The following PPARG variants were observed in gnomAD, a reference collection of about 807,000 sequenced individuals.
PPARG encodes peroxisome proliferator-activated receptor gamma.
A neutral mutation model predicts 39.2 loss-of-function variants in PPARG; 17 were observed. The observed-to-expected ratio is 0.43, with a 90% CI of 0.30 to 0.65. The LOEUF (loss-of-function observed/expected upper bound fraction) is 0.65. Among genes scored for constraint, PPARG ranks in the 30% least tolerant of loss-of-function variants. PPARG has a pLI of 0.13. For missense variants in PPARG, 406 were observed against 585.9 expected (o/e 0.69, Z 3.17); for synonymous variants, 223 against 215.7 (o/e 1.03, Z -0.30).
intron 7 of PPARG, among the ~76,000 whole-genome samples, chr3:12,417,901 CCT>C (rs2051129645): frequency 2.4e-4 from 11 of 46,130 alleles, no homozygotes; most frequent in South Asian, 1.2e-3. Context: ...TTTTTTTTTT[CCT>C]TTTTTTTTTT....
intron 2 of PPARG, among the ~76,000 whole-genome samples, chr3:12,362,978 A>T (rs907315226): frequency 2.6e-5 from 4 of 152,108 alleles, no homozygotes; most frequent in Non-Finnish European, 4.4e-5. Context: ...TTTGTCTCCA[A>T]GCTGGATCAT....
chr3:12,390,384 G>A (rs377061534), intron 4 of PPARG, among the ~76,000 whole-genome samples: 15 of 152,060 alleles, frequency 9.9e-5, no homozygotes, highest in East Asian at 7.7e-4. Flanking sequence ...TATTTCAAAC[G>A]TCCATCTGCA....
intron 6 of PPARG, among the ~76,000 whole-genome samples, chr3:12,414,377 G>A (rs1376042886): frequency 6.6e-6 from 1 of 152,158 alleles, no homozygotes; most frequent in East Asian, 1.9e-4. Context: ...CGCACTTAGG[G>A]AGGCCAAAGC....
intron 7 of PPARG, among the ~76,000 whole-genome samples, chr3:12,423,112 CTG>C (rs934469761): frequency 2.0e-5 from 3 of 152,162 alleles, no homozygotes; most frequent in Non-Finnish European, 4.4e-5. Context: ...AATAATGATA[CTG>C]TTTGCAGAAC....
chr3:12,413,379 C>T (rs1559531681), intron 6 of PPARG, among the ~76,000 whole-genome samples: 1 of 152,150 alleles, frequency 6.6e-6, no homozygotes, highest in Non-Finnish European at 1.5e-5. Flanking sequence ...ATCTATGCAG[C>T]CTTCGGAAAT....
intron 7 of PPARG, among the ~76,000 whole-genome samples, chr3:12,421,519 G>T (rs2125297131): frequency 6.6e-6 from 1 of 152,258 alleles, no homozygotes; most frequent in Non-Finnish European, 1.5e-5. Flanking sequence ...TGGATGTTTT[G>T]CCCCCTTGAG....
intron 4 of PPARG, among the ~76,000 whole-genome samples, chr3:12,383,215 C>G (rs1253810290): frequency 6.6e-6 from 1 of 151,996 alleles, no homozygotes; most frequent in Non-Finnish European, 1.5e-5. Flanking sequence ...TCTTATTCAT[C>G]TCTAAGTTCT....
intron 2 of PPARG, among the ~76,000 whole-genome samples, chr3:12,329,313 A>G (rs979381793): frequency 1.3e-5 from 2 of 152,350 alleles, no homozygotes; most frequent in South Asian, 2.1e-4. Context: ...TTGTAGTTCA[A>G]CTGTTGATCA....
At chr3:12,292,794 A>G (rs1458108769) in intron 1 of PPARG, among the ~76,000 whole-genome samples, 1 of 152,118 alleles carries the variant, frequency 6.6e-6, no homozygotes, top group Non-Finnish European at 1.5e-5. Flanking sequence ...GATGGGGTGA[A>G]GAGGCTTGTG....
intron 2 of PPARG, among the ~76,000 whole-genome samples, chr3:12,369,896 T>G (rs1219703908): frequency 6.6e-6 from 1 of 152,212 alleles, no homozygotes; most frequent in Non-Finnish European, 1.5e-5. Flanking sequence ...CTGAAAGTGG[T>G]CAGACATATC....
At chr3:12,330,235 C>A (rs1215691241) in intron 2 of PPARG, among the ~76,000 whole-genome samples, 4 of 149,690 alleles carry the variant, frequency 2.7e-5, no homozygotes, top group Non-Finnish European at 5.9e-5. Context: ...AGCTGCTATA[C>A]CATTCTGCAT....
intron 6 of PPARG, chr3:12,406,398 C>T (rs1001574955): frequency 1.3e-5 from 5 of 374,918 alleles, no homozygotes; most frequent in African/African-American, 4.2e-5. Context: ...TCTCCTTTCT[C>T]GGCATCAAAA....
At position 12,379,562 on chromosome 3, in the gene PPARG, T is replaced by C; in HGVS notation, c.-8-142T>C. 4.1e-6 allele frequency: 3 copies of C among 727,102 alleles called. 1 individual carries two copies. In the South Asian group the frequency reaches 5.0e-5, roughly 12 times the overall value. The allele number at this position is 727,102 out of a possible 1,614,324, so 45.0% of individuals were successfully genotyped here. A position where few individuals can be genotyped will look rare whatever the true frequency, so the allele number is the denominator to read the frequency against. On this transcript the variant is annotated intron_variant, in intron 2 of 7. Coordinates refer to ENST00000651735, the MANE Select transcript of PPARG (RefSeq NM_138711.6). ...AACAGCCTAGACAGCACTAAGAAGG[T>C]GGTTATGTTCTTTTCTGTTGTTGTG...
intron 6 of PPARG, among the ~76,000 whole-genome samples, chr3:12,408,668 G>A (rs1193792681): frequency 6.7e-6 from 1 of 148,316 alleles, no homozygotes; most frequent in Non-Finnish European, 1.5e-5. Flanking sequence ...GGCTCAAGCC[G>A]TCCTCCCACC....
intron 2 of PPARG, among the ~76,000 whole-genome samples, chr3:12,341,563 T>C (rs1248388992): frequency 6.6e-6 from 1 of 152,174 alleles, no homozygotes; most frequent in Non-Finnish European, 1.5e-5. Context: ...ATCCCAGAAC[T>C]TTGGGAGGCC....
At chr3:12,380,072 C>A in intron 3 of PPARG, 141 bp downstream of exon 3, 2 of 857,742 alleles carry the variant, frequency 2.3e-6, no homozygotes, top group Non-Finnish European at 3.8e-6. Flanking sequence ...CCCATTTATC[C>A]ATGAAATATT....
chr3:12,412,980 A>G (rs562065628), intron 6 of PPARG, among the ~76,000 whole-genome samples: 1 of 152,320 alleles, frequency 6.6e-6, no homozygotes, highest in African/African-American at 2.4e-5. Flanking sequence ...TACGGCTCCT[A>G]TAATGGCAAT....
intron 2 of PPARG, among the ~76,000 whole-genome samples, chr3:12,321,456 G>A (rs1414451709): frequency 2.0e-5 from 3 of 152,128 alleles, no homozygotes; most frequent in African/African-American, 7.2e-5. Flanking sequence ...TGGAGGCGGA[G>A]GGAGACAGAA....
intron 2 of PPARG, 40 bp from the exon 3 acceptor site, chr3:12,379,664 C>T (rs1403184345): frequency 4.5e-6 from 7 of 1,547,478 alleles, no homozygotes; most frequent in African/African-American, 2.7e-5. Flanking sequence ...GCTGTGTTCT[C>T]TAGGACTTAA....
Sources: allele counts gnomAD v4.1 joint callset (sites outside exome capture counted in the v4.1 genomes callset), GRCh38; gene constraint gnomAD v4.1.1; transcripts MANE v1.5; gene names NCBI Gene and HGNC (gene_info 2026-07-23, HGNC 2026-07-21).